The following COL24A1 variants were observed in gnomAD, a reference collection of about 807,000 sequenced individuals.
The protein encoded by COL24A1 is collagen type XXIV alpha 1 chain.
Under a neutral mutation model 253.9 loss-of-function variants are expected in COL24A1, and 224 were observed. The ratio of observed to expected loss-of-function variants is 0.88; its 90% CI spans 0.79 to 0.99. The LOEUF (loss-of-function observed/expected upper bound fraction) is 0.99, where lower values mean the gene tolerates loss of function less well. COL24A1 is among the 50% of genes least tolerant of loss of function. The pLI is 0.00. For missense variants in COL24A1, 2,131 were observed against 2,068.5 expected, an observed-to-expected ratio of 1.03 and a Z score of -0.59; for synonymous variants, 685 against 673.7, an observed-to-expected ratio of 1.02 and a Z score of -0.26.
At chr1:85,902,359 A>G (rs1465042946) in intron 28 of COL24A1, among the ~76,000 whole-genome samples, 1 of 152,220 alleles carries the variant, frequency 6.6e-6, no homozygotes, top group Non-Finnish European at 1.5e-5. Context: ...AGTAACTCAT[A>G]TCTTCCACCT....
At chr1:85,980,345 G>A (rs1243499132) in intron 20 of COL24A1, among the ~76,000 whole-genome samples, 2 of 152,164 alleles carry the variant, frequency 1.3e-5, no homozygotes, top group Non-Finnish European at 1.5e-5. Context: ...AGAGCAATCA[G>A]ACAAGAGAAA....
At chr1:85,871,355 C>T (rs142738622) in intron 35 of COL24A1, among the ~76,000 whole-genome samples, 3,459 of 152,230 alleles carry the variant, frequency 0.023, 132 homozygotes, top group African/African-American at 0.078. Flanking sequence ...ATGAGGCCAG[C>T]ATCATCCTGA....
intron 29 of COL24A1, 66 bp downstream of exon 29, chr1:85,896,290 G>T: frequency 7.1e-7 from 1 of 1,402,278 alleles, no homozygotes; most frequent in Non-Finnish European, 1.0e-6. Context: ...TTGTTTTTTA[G>T]ACTAGTAGGA....
chr1:86,126,369 TAGGG>T (rs1648302441), intron 2 of COL24A1, among the ~76,000 whole-genome samples, 155 bp from the exon 3 acceptor site: 1 of 152,040 alleles, frequency 6.6e-6, no homozygotes, highest in Non-Finnish European at 1.5e-5. Flanking sequence ...TAATAAGAAA[TAGGG>T]AGGGGGAGAG....
At chr1:86,152,530 T>A (rs893987397) in intron 1 of COL24A1, among the ~76,000 whole-genome samples, 7 of 152,310 alleles carry the variant, frequency 4.6e-5, no homozygotes, top group South Asian at 2.1e-4. Flanking sequence ...TCCAAAAAAA[T>A]TCAAAATCCC....
At chr1:85,911,736 C>A (rs1685389543) in intron 24 of COL24A1, among the ~76,000 whole-genome samples, 2 of 152,184 alleles carry the variant, frequency 1.3e-5, no homozygotes, top group South Asian at 4.1e-4. Flanking sequence ...TTTTATAAAA[C>A]CCCTGACGTT....
At chr1:85,906,420 T>TA (rs1684846568) in intron 28 of COL24A1, among the ~76,000 whole-genome samples, 1 of 151,818 alleles carries the variant, frequency 6.6e-6, no homozygotes, top group Admixed American at 6.6e-5. Context: ...TACTCCCTGA[T>TA]ATTCCATATG....
At chr1:85,903,647 T>G (rs1684535951) in intron 28 of COL24A1, among the ~76,000 whole-genome samples, 1 of 152,168 alleles carries the variant, frequency 6.6e-6, no homozygotes, top group Non-Finnish European at 1.5e-5. Context: ...TAAGTTCTCA[T>G]AGCAGAAATA....
At chr1:85,879,629 A>G (rs187453773) in intron 32 of COL24A1, among the ~76,000 whole-genome samples, 17 of 152,330 alleles carry the variant, frequency 1.1e-4, no homozygotes, top group African/African-American at 3.4e-4. Context: ...TAACATAAGC[A>G]GCTGTTTAAC....
chr1:86,134,730 T>C (rs76956277), intron 2 of COL24A1, among the ~76,000 whole-genome samples: 5,321 of 9,618 alleles, frequency 0.55, 2,320 homozygotes, highest in Middle Eastern at 1. Flanking sequence ...GTTATAATTT[T>C]TGTTCTTTTA....
intron 35 of COL24A1, among the ~76,000 whole-genome samples, chr1:85,872,672 T>C (rs1298703329): frequency 1.3e-5 from 2 of 152,198 alleles, no homozygotes; most frequent in African/African-American, 4.8e-5. Flanking sequence ...TCTTACACCT[T>C]ATACAAAAAT....
chr1:85,987,072 A>T (rs1693780188), intron 20 of COL24A1, among the ~76,000 whole-genome samples: 1 of 152,050 alleles, frequency 6.6e-6, no homozygotes, highest in East Asian at 1.9e-4. Flanking sequence ...AAATGGTTAG[A>T]TTAAAAGCAT....
intron 7 of COL24A1, among the ~76,000 whole-genome samples, chr1:86,075,155 A>G (rs1702160309): frequency 6.6e-6 from 1 of 152,216 alleles, no homozygotes. Flanking sequence ...CCAGACTAAC[A>G]AAGAAGAAAA....
chr1:85,739,340 T>C (rs112385580), intron 57 of COL24A1, among the ~76,000 whole-genome samples: 4 of 152,282 alleles, frequency 2.6e-5, no homozygotes, highest in African/African-American at 9.6e-5. Context: ...TATATTCTAT[T>C]TGGGTAGGGG....
Position 85,744,735 on chromosome 1 carries a change from G to A in COL24A1, c.4603C>T (p.Leu1535Phe), listed in dbSNP as rs781487734. Residue 1535 changes from leucine (L) to phenylalanine (F), a missense_variant, in exon 57 of 60, where the codon CTT (leucine) becomes TTT (phenylalanine). Leu to Phe is a conservative substitution (Grantham distance 22). Transcript: ENST00000370571. Reference protein sequence around the residue: ...SNLLHSIKNPLGTRDNPARIC... With the variant: ...SNLLHSIKNPFGTRDNPARIC... ...CGTGCTGGGTTATCTCGTGTGCCAAGAGGATTCTTGATGCTGTGCAATAAA... is the reference window on the plus strand; with the variant it reads ...CGTGCTGGGTTATCTCGTGTGCCAAAAGGATTCTTGATGCTGTGCAATAAA... The A allele has an allele frequency of 1.2e-6, 2 of 1,605,046 alleles. No homozygotes were observed. Among genetic ancestry groups the A allele is most frequent in the Non-Finnish European group, 1.7e-6 (2 of 1,176,954 alleles).
At chr1:86,029,643 T>C (rs1232984386) in intron 14 of COL24A1, among the ~76,000 whole-genome samples, 1 of 146,382 alleles carries the variant, frequency 6.8e-6, no homozygotes, top group Non-Finnish European at 1.5e-5. Flanking sequence ...AGAGATGGGG[T>C]CTTGCTTCAT....
At chr1:86,093,094 G>A (rs1477687815) in intron 5 of COL24A1, among the ~76,000 whole-genome samples, 1 of 151,882 alleles carries the variant, frequency 6.6e-6, no homozygotes, top group Non-Finnish European at 1.5e-5. Flanking sequence ...CTCCTTCCTA[G>A]ATACTTCTAA....
At chr1:86,058,010 A>G in intron 9 of COL24A1, 35 bp from the exon 10 acceptor site, 1 of 1,572,336 alleles carries the variant, frequency 6.4e-7, no homozygotes, top group Non-Finnish European at 8.7e-7. Flanking sequence ...ATCATACTAC[A>G]GTACTTTTTA....
intron 24 of COL24A1, among the ~76,000 whole-genome samples, chr1:85,921,271 C>T (rs1686449263): frequency 6.6e-6 from 1 of 152,200 alleles, no homozygotes; most frequent in Admixed American, 6.5e-5. Flanking sequence ...AATGGCACAC[C>T]AGGAGATTAT....
Sources: gnomAD v4.1 joint callset for allele counts (sites outside exome capture counted in the v4.1 genomes callset) on GRCh38, gnomAD v4.1.1 for gene constraint, MANE v1.5 for transcripts, NCBI Gene and HGNC (gene_info 2026-07-23, HGNC 2026-07-21) for gene names.